TTBK2: variants seen among roughly 807,000 people sequenced by gnomAD.
TTBK2 encodes tau tubulin kinase 2, also known as tau-tubulin kinase 2.
In TTBK2, 28 loss-of-function variants were observed where a neutral mutation model predicts 110.8. The observed-to-expected ratio is 0.25, with a 90% CI of 0.19 to 0.35. The LOEUF is 0.35. Among genes scored for constraint, TTBK2 ranks in the 10% least tolerant of loss-of-function variants. The probability of loss-of-function intolerance (pLI) is 1.00; values close to 1 mark genes in which losing one functional copy is unlikely to be tolerated. For synonymous variants in TTBK2, 532 were observed against 527.3 expected, an observed-to-expected ratio of 1.01 and a Z score of -0.12; for missense variants, 1,369 against 1,500.3, an observed-to-expected ratio of 0.91 and a Z score of 1.45.
rs1289497687 is a variant in TTBK2, at chr15:42,752,832, A to G, written c.2414T>C (p.Leu805Pro). 1 of 1,614,140 alleles carries G rather than the reference A, an allele frequency of 6.2e-7. No homozygotes were observed. Among genetic ancestry groups the G allele is most frequent in the Non-Finnish European group, 8.5e-7 (1 of 1,180,012 alleles). ...TTCCACAATTACCAAATCTCCTGGG[A>G]GAGAGGAGATCTCAATACAATGCTG... The part of the protein sequence containing the change: ...RGQHCIEISS[L>P]PGDLVIVEKD... Residue 805 changes from leucine to proline, a missense_variant, in exon 14 of 15, where the codon CTC becomes CCC. This residue lies in a region of TTBK2 where 1,097 missense variants were observed against 1,114.7 expected (regional missense o/e 0.98). Transcript: ENST00000267890.
chr15:42,874,388 C>A (rs1894731066), intron 2 of TTBK2, among the ~76,000 whole-genome samples: 1 of 151,838 alleles, frequency 6.6e-6, no homozygotes, highest in Non-Finnish European at 1.5e-5. Flanking sequence ...ATGATCTTGG[C>A]CCACTGCAAC....
At chr15:42,760,439 A>G (rs1437564341) in intron 13 of TTBK2, among the ~76,000 whole-genome samples, 1 of 152,016 alleles carries the variant, frequency 6.6e-6, no homozygotes, top group Non-Finnish European at 1.5e-5. Flanking sequence ...TAAAAAATAC[A>G]ATTGAGAGCT....
At chr15:42,828,386 CAAA>C (rs763629302) in intron 5 of TTBK2, among the ~76,000 whole-genome samples, 1 of 119,414 alleles carries the variant, frequency 8.4e-6, no homozygotes. Flanking sequence ...AGAGATGGAC[CAAA>C]AAAAAAAAAA....
At chr15:42,755,993 T>C (rs2140624570) in intron 13 of TTBK2, among the ~76,000 whole-genome samples, 1 of 152,136 alleles carries the variant, frequency 6.6e-6, no homozygotes, top group Admixed American at 6.5e-5. Flanking sequence ...GTCAGGAGTT[T>C]GAGACCAGAC....
At position 42,752,887 on chromosome 15, in the gene TTBK2, C is replaced by G; in HGVS notation, c.2359G>C (p.Asp787His). The change falls in exon 14 of 15, where the codon GAT becomes CAT. Residue 787 changes from aspartate to histidine, a missense_variant. Coordinates refer to ENST00000267890, the MANE Select transcript of TTBK2 (RefSeq NM_173500.4). ...TEEKSILLESDNEDEKLSRGQ... is the reference protein window; with the variant it reads ...TEEKSILLESHNEDEKLSRGQ... ...CTACTTAACTTCTCATCTTCATTATCTGACTCTAAAAGGATGCTTTTCTCT... is the reference window on the plus strand; with the variant it reads ...CTACTTAACTTCTCATCTTCATTATGTGACTCTAAAAGGATGCTTTTCTCT... 1 of 1,614,198 alleles carries G rather than the reference C, an allele frequency of 6.2e-7. No individual in the cohort carries two copies. Among genetic ancestry groups the G allele is most frequent in the Non-Finnish European group, 8.5e-7 (1 of 1,180,040 alleles).
intron 1 of TTBK2, among the ~76,000 whole-genome samples, chr15:42,884,826 C>T (rs1895181077): frequency 6.6e-6 from 1 of 152,298 alleles, no homozygotes; most frequent in Middle Eastern, 3.4e-3. Flanking sequence ...ATCCAGATGG[C>T]CTGAAGCAAC....
intron 13 of TTBK2, among the ~76,000 whole-genome samples, chr15:42,762,007 AG>A (rs1209417968): frequency 1.3e-5 from 2 of 152,186 alleles, no homozygotes; most frequent in African/African-American, 4.8e-5. Context: ...GGTTATTATA[AG>A]GGGGAGTTTT....
At chr15:42,861,098 A>C (rs1894138954) in intron 3 of TTBK2, among the ~76,000 whole-genome samples, 1 of 152,232 alleles carries the variant, frequency 6.6e-6, no homozygotes, top group Non-Finnish European at 1.5e-5. Context: ...TGAAGCATCC[A>C]AATTCATAAA....
At position 42,739,782 on chromosome 15, in the gene TTBK2, C is replaced by T. The variant is rs952337901; in HGVS notation, c.*6013G>A. ...CCTTCCTGGGTAGCTCCCTATAAGT[C>T]AAATTCAAGTTCTGGTAGCCTTGTT... On this transcript the variant is annotated 3_prime_UTR_variant, in exon 15 of 15. Transcript: ENST00000267890. 6.6e-6 allele frequency: 1 copy of T among 152,192 alleles called. No individual in the cohort carries two copies. The highest frequency in any genetic ancestry group is 2.4e-5 in the African/African-American group (1 of 41,460). The allele number at this position is 152,192 out of a possible 1,614,324, so 9.4% of individuals were successfully genotyped here.
At chr15:42,768,990 G>A (rs77046800) in intron 13 of TTBK2, among the ~76,000 whole-genome samples, 40,511 of 151,984 alleles carry the variant, frequency 0.27, 6,198 homozygotes, top group African/African-American at 0.41. Context: ...TGACAAACCC[G>A]ACAAAAACAA....
intron 13 of TTBK2, among the ~76,000 whole-genome samples, chr15:42,763,175 T>TATAC (rs1889151938): frequency 2.1e-4 from 4 of 19,066 alleles, no homozygotes; most frequent in Non-Finnish European, 3.0e-4. Context: ...TATATATATA[T>TATAC]ATATATATAT....
intron 9 of TTBK2, among the ~76,000 whole-genome samples, chr15:42,796,119 A>G (rs1018732949): frequency 6.6e-6 from 1 of 152,140 alleles, no homozygotes; most frequent in African/African-American, 2.4e-5. Context: ...ATCAAGAGAT[A>G]CTGGCCACGC....
At chr15:42,776,404 T>C (rs1889923093) in intron 12 of TTBK2, among the ~76,000 whole-genome samples, 3 of 152,276 alleles carry the variant, frequency 2.0e-5, no homozygotes, top group Admixed American at 6.5e-5. Flanking sequence ...TCTTCTGTTA[T>C]CAAAATTTGT....
chr15:42,786,483 T>C (rs1180821841), intron 10 of TTBK2, among the ~76,000 whole-genome samples: 1 of 152,232 alleles, frequency 6.6e-6, no homozygotes, highest in Non-Finnish European at 1.5e-5. Flanking sequence ...CGTCACCTTT[T>C]TTCCATTTTA....
intron 1 of TTBK2, among the ~76,000 whole-genome samples, chr15:42,887,114 G>C (rs1200830998): frequency 6.6e-6 from 1 of 152,166 alleles, no homozygotes; most frequent in African/African-American, 2.4e-5. Flanking sequence ...CATAAGTGTT[G>C]TGGGTATTGA....
intron 9 of TTBK2, among the ~76,000 whole-genome samples, chr15:42,799,430 TTTTG>T (rs993085937): frequency 2.6e-5 from 4 of 151,648 alleles, no homozygotes; most frequent in Non-Finnish European, 5.9e-5. Context: ...CCTGTATTAC[TTTTG>T]TTTGTTTGTT....
intron 1 of TTBK2, among the ~76,000 whole-genome samples, chr15:42,896,505 G>C (rs1464695084): frequency 6.6e-6 from 1 of 151,950 alleles, no homozygotes; most frequent in Non-Finnish European, 1.5e-5. Context: ...ACAACTTTTA[G>C]GGCAGGCATG....
intron 3 of TTBK2, among the ~76,000 whole-genome samples, chr15:42,859,503 G>A (rs1459788757): frequency 6.6e-6 from 1 of 152,062 alleles, no homozygotes; most frequent in Non-Finnish European, 1.5e-5. Context: ...ATGGGGTGCG[G>A]GGGGACTAGA....
intron 3 of TTBK2, among the ~76,000 whole-genome samples, chr15:42,841,056 T>C (rs1329006229): frequency 6.6e-6 from 1 of 152,242 alleles, no homozygotes; most frequent in Non-Finnish European, 1.5e-5. Flanking sequence ...CAACCCTGGC[T>C]ACTTATGAAA....
Sources: gnomAD v4.1 joint callset for allele counts (sites outside exome capture counted in the v4.1 genomes callset) on GRCh38, gnomAD v4.1.1 for gene constraint, gnomAD v4.1.1 regional missense constraint, MANE v1.5 for transcripts, NCBI Gene and HGNC (gene_info 2026-07-23, HGNC 2026-07-21) for gene names.